GAB3: variants seen among roughly 807,000 people sequenced by gnomAD.
GAB3 encodes GRB2-associated-binding protein 3.
GAB3 carries 12 observed loss-of-function variants against 40.4 expected under a neutral mutation model. The observed-to-expected ratio is 0.30, with a 90% confidence interval of 0.19 to 0.48. The LOEUF (loss-of-function observed/expected upper bound fraction) is 0.48, where lower values mean the gene tolerates loss of function less well. Ranked by LOEUF, GAB3 falls within the 20% of genes least tolerant of loss-of-function variation. The pLI is 0.99. For synonymous variants in GAB3, 154 were observed against 176.7 expected, an observed-to-expected ratio of 0.87 and a Z score of 1.02; for missense variants, 381 against 461.9, an observed-to-expected ratio of 0.82 and a Z score of 1.61.
chrX:154,718,312 G>A, intron 1 of GAB3, among the ~76,000 whole-genome samples: 1 of 108,386 alleles, frequency 9.2e-6, no homozygotes. Context: ...CAGAAGGAAG[G>A]CAGTCACTCC....
At position 154,700,066 on chromosome X, in the gene GAB3, G is replaced by A; in HGVS notation, c.1070-7C>T. Reference sequence around the variant, plus strand: ...GATTGGCCTTCTACATCAGCTGCAAGAAATAAGCCAAGGTGGTGAGAAATG... The same window carrying A: ...GATTGGCCTTCTACATCAGCTGCAAAAAATAAGCCAAGGTGGTGAGAAATG... On this transcript the variant is annotated splice_region_variant and splice_polypyrimidine_tract_variant and intron_variant, in intron 4 of 9. Coordinates refer to ENST00000424127, the MANE Select transcript of GAB3 (RefSeq NM_001081573.3). The A allele has an allele frequency of 8.3e-7, 1 of 1,200,104 alleles. No homozygotes were observed. The highest frequency in any genetic ancestry group is 1.8e-5 in the South Asian group (1 of 56,594).
chrX:154,725,078 G>C (rs1289604923), intron 1 of GAB3, among the ~76,000 whole-genome samples: 12 of 111,826 alleles, frequency 1.1e-4, no homozygotes, highest in African/African-American at 3.9e-4. Context: ...AAAAGACACA[G>C]AGAGAAGATG....
At chrX:154,710,555 CTTGCAGGGTCATCGGATGGAGAT>C (rs2070926225) in intron 4 of GAB3, among the ~76,000 whole-genome samples, 1 of 111,660 alleles carries the variant, frequency 9.0e-6, no homozygotes, top group African/African-American at 3.3e-5. Context: ...ACAGGACAGC[CTTGCAGGGTCATCGGATGGAGAT>C]CCAGATGGAC....
intron 1 of GAB3, among the ~76,000 whole-genome samples, chrX:154,734,427 G>A (rs2071336180): frequency 1.8e-5 from 2 of 112,845 alleles, no homozygotes; most frequent in Non-Finnish European, 3.7e-5. Flanking sequence ...CTACAAATAT[G>A]AGTAAGTCAA....
At chrX:154,737,650 C>T (rs1557260695) in intron 1 of GAB3, among the ~76,000 whole-genome samples, 1 of 112,018 alleles carries the variant, frequency 8.9e-6, no homozygotes. Flanking sequence ...GGTCTTTTCT[C>T]CCATGCTCTT....
At chrX:154,740,370 T>C (rs1557261069) in intron 1 of GAB3, among the ~76,000 whole-genome samples, 1 of 112,282 alleles carries the variant, frequency 8.9e-6, no homozygotes, top group African/African-American at 3.2e-5. Flanking sequence ...GGGAAGTATA[T>C]GTGCTTGTAT....
At position 154,697,179 on chromosome X, in the gene GAB3, C is replaced by G. The variant is rs782178568; in HGVS notation, c.1380G>C (p.Ser460=). The G allele has an allele frequency of 1.7e-6, 2 of 1,195,419 alleles. No homozygotes were observed. The highest frequency in any genetic ancestry group is 2.3e-6 in the Non-Finnish European group (2 of 888,140). The change falls in exon 7 of 10, where the codon TCG becomes TCC. Residue 460 remains serine (S), a synonymous_variant. Coordinates refer to ENST00000424127, the MANE Select transcript of GAB3 (RefSeq NM_001081573.3). ...RPPPLDLRNL[S]IIREHASLTR... is the part of the protein sequence containing the mutation. ...TAAGAGATGCATGTTCCCGGATGAT[C>G]GAGAGGTTTCTCAGGTCCAGAGGAG...
chrX:154,715,967 A>G, intron 2 of GAB3, 59 bp downstream of exon 2: 3 of 1,079,748 alleles, frequency 2.8e-6, no homozygotes, highest in Non-Finnish European at 3.8e-6. Context: ...GTTTTTCTGC[A>G]GTAACCCTCC....
At chrX:154,701,788 A>G (rs1467514401) in intron 4 of GAB3, among the ~76,000 whole-genome samples, 1 of 112,110 alleles carries the variant, frequency 8.9e-6, no homozygotes. Context: ...TTAAATACCT[A>G]GGAATTAACT....
Position 154,712,215 on chromosome X carries a change from G to A in GAB3, c.1069+14C>T. 8.8e-7 allele frequency: 1 copy of A among 1,135,198 alleles called. No homozygotes were observed. The highest frequency in any genetic ancestry group is 1.2e-6 in the Non-Finnish European group (1 of 842,422). The allele number at this position is 1,135,198 out of a possible 1,213,427, so 93.6% of individuals were successfully genotyped here. A position where few individuals can be genotyped will look rare whatever the true frequency, so the allele number is the denominator to read the frequency against. ...GGTTTTCTTGGCGCCTGAATCTTAGGACCCAACACTTACCTTTCCAGGTTC... is the reference window on the plus strand; with the variant it reads ...GGTTTTCTTGGCGCCTGAATCTTAGAACCCAACACTTACCTTTCCAGGTTC... On this transcript the variant is annotated intron_variant, in intron 4 of 9. Transcript: ENST00000424127.
At chrX:154,706,045 AC>A (rs2070802622) in intron 4 of GAB3, among the ~76,000 whole-genome samples, 1 of 112,119 alleles carries the variant, frequency 8.9e-6, no homozygotes, top group Non-Finnish European at 1.9e-5. Context: ...AAAGACCTGT[AC>A]AATGAAAACT....
In GAB3 at chrX:154,690,855, T is replaced by C. The variant is rs1466064249; in HGVS notation, c.1530+5062A>G. Among the ~76,000 whole-genome samples, 55 of 108,239 alleles carry C rather than the reference T, an allele frequency of 5.1e-4. 1 individual carries two copies. The highest frequency in any genetic ancestry group is 3.8e-3 in the South Asian group (10 of 2,608). 94.0% of individuals were successfully genotyped at this position (108,239 alleles called of 115,157 possible). ...CTAGTTCAACCATTGTGGAAGTCAG[T>C]GTGGCGATTCCTCAGGGATCTAGAA... On this transcript the variant is annotated intron_variant, in intron 8 of 9. Coordinates refer to ENST00000424127, the MANE Select transcript of GAB3 (RefSeq NM_001081573.3).
At chrX:154,747,616 A>C (rs961826700) in intron 1 of GAB3, among the ~76,000 whole-genome samples, 3 of 111,839 alleles carry the variant, frequency 2.7e-5, no homozygotes, top group Non-Finnish European at 1.9e-5. Flanking sequence ...GCCTGCGGGC[A>C]ACATGGAGAA....
chrX:154,706,137 C>T lies in GAB3; in HGVS notation c.1070-6078G>A, dbSNP rs150813409. On this transcript the variant is annotated intron_variant, in intron 4 of 9. Coordinates refer to ENST00000424127, the MANE Select transcript of GAB3 (RefSeq NM_001081573.3). ...GAATTAATATTCTTCTGGATCTGGC[C>T]GGGCACAGTGGCTCGCACCTGTAAT... Among the ~76,000 whole-genome samples, 179 of 111,505 alleles carry T rather than the reference C, an allele frequency of 1.6e-3. 2 individuals are homozygous for T. In the East Asian group the frequency reaches 0.038, roughly 24 times the overall value.
intron 8 of GAB3, among the ~76,000 whole-genome samples, chrX:154,682,725 C>G (rs1283062344): frequency 9.0e-6 from 1 of 111,673 alleles, no homozygotes; most frequent in African/African-American, 3.3e-5. Flanking sequence ...CACCTTTAAT[C>G]CCAGCACTTT....
At chrX:154,713,884 A>G (rs954903762) in intron 2 of GAB3, among the ~76,000 whole-genome samples, 29 of 102,601 alleles carry the variant, frequency 2.8e-4, no homozygotes, top group Non-Finnish European at 5.6e-4. Context: ...TATATAGAAT[A>G]CCTATTACAT....
chrX:154,703,818 A>G (rs1419028238), intron 4 of GAB3, among the ~76,000 whole-genome samples: 2 of 111,615 alleles, frequency 1.8e-5, no homozygotes, highest in South Asian at 3.7e-4. Flanking sequence ...TACAACCACT[A>G]TGGAGAAGTT....
intron 1 of GAB3, among the ~76,000 whole-genome samples, chrX:154,723,539 C>A (rs1473055143): frequency 2.7e-5 from 3 of 111,468 alleles, no homozygotes; most frequent in Non-Finnish European, 5.7e-5. Context: ...ATGTTAGGAC[C>A]TGAGGGCTGC....
At chrX:154,715,908 A>G in intron 2 of GAB3, 118 bp downstream of exon 2, 1 of 678,659 alleles carries the variant, frequency 1.5e-6, no homozygotes, top group East Asian at 3.2e-5. Context: ...TCTGATATAA[A>G]TTAGCCTGCC....
Sources: gnomAD v4.1 joint callset for allele counts (sites outside exome capture counted in the v4.1 genomes callset) on GRCh38, gnomAD v4.1.1 for gene constraint, MANE v1.5 for transcripts, NCBI Gene and HGNC (gene_info 2026-07-23, HGNC 2026-07-21) for gene names.